The following EPS15 variants were observed in gnomAD, a reference collection of about 807,000 sequenced individuals.
The protein encoded by EPS15 is epidermal growth factor receptor substrate 15.
EPS15 carries 72 observed loss-of-function variants against 113.8 expected under a neutral mutation model. The observed-to-expected ratio is 0.63, with a 90% CI of 0.52 to 0.77. The LOEUF is 0.77. Ranked by LOEUF, EPS15 falls within the 30% of genes least tolerant of loss-of-function variation. The pLI is 0.00. For missense variants in EPS15, 1,048 were observed against 1,045.8 expected (o/e 1.00, Z -0.03); for synonymous variants, 344 against 363.4 (o/e 0.95, Z 0.61).
intron 24 of EPS15, 23 bp downstream of exon 24, chr1:51,361,148 A>C: frequency 6.4e-7 from 1 of 1,571,708 alleles, no homozygotes; most frequent in Non-Finnish European, 8.7e-7. Context: ...TTCTCCCCCA[A>C]ACAGCTCATT....
rs1646227193 is a variant in EPS15, at chr1:51,356,804, T to C, written c.2587A>G (p.Ser863Gly). 9 of 1,613,886 alleles carry C rather than the reference T, an allele frequency of 5.6e-6. No individual in the cohort carries two copies. The highest frequency in any genetic ancestry group is 7.6e-6 in the Non-Finnish European group (9 of 1,179,830). Residue 863 changes from serine (S) to glycine (G), a missense_variant, in exon 25 of 25, where the codon AGT becomes GGT. Coordinates refer to ENST00000371733, the MANE Select transcript of EPS15 (RefSeq NM_001981.3). ...AGCCTCTGCTCTTCCTCTCTCTCAC[T>C]TTCCCTCTTGGCCCATTCGATCATA... ...EDMIEWAKRESEREEEQRLAR... is the reference protein window; with the variant it reads ...EDMIEWAKREGEREEEQRLAR...
chr1:51,437,926 T>C (rs1652288889), intron 12 of EPS15, among the ~76,000 whole-genome samples: 2 of 152,114 alleles, frequency 1.3e-5, no homozygotes, highest in Admixed American at 1.3e-4. Flanking sequence ...CATCCTTATA[T>C]ATTAATAAAA....
At chr1:51,471,886 T>C in intron 3 of EPS15, 149 bp from the exon 4 acceptor site, 1 of 679,078 alleles carries the variant, frequency 1.5e-6, no homozygotes, top group Non-Finnish European at 2.6e-6. Context: ...CCCTTAAAGA[T>C]CATTTAGTGC....
At chr1:51,442,768 G>C (rs1396751471) in intron 11 of EPS15, among the ~76,000 whole-genome samples, 3 of 151,916 alleles carry the variant, frequency 2.0e-5, no homozygotes, top group East Asian at 3.9e-4. Context: ...AATGTATCTT[G>C]TAAACCAAAA....
intron 1 of EPS15, among the ~76,000 whole-genome samples, chr1:51,504,634 A>G (rs930363065): frequency 1.3e-5 from 2 of 152,220 alleles, no homozygotes; most frequent in Non-Finnish European, 2.9e-5. Flanking sequence ...AAGACATACA[A>G]ATGGCTAATA....
intron 21 of EPS15, among the ~76,000 whole-genome samples, chr1:51,389,696 G>T (rs1647204001): frequency 6.6e-6 from 1 of 152,342 alleles, no homozygotes; most frequent in South Asian, 2.1e-4. Context: ...GCCAAATCAT[G>T]AGTGAACTCT....
intron 11 of EPS15, 143 bp downstream of exon 11, chr1:51,444,746 C>G (rs1464259676): frequency 3.5e-5 from 25 of 723,654 alleles, no homozygotes; most frequent in Non-Finnish European, 4.0e-5. Context: ...TTTATAGGCA[C>G]AAACTAAACC....
At chr1:51,401,100 A>G (rs774773457) in intron 18 of EPS15, 147 bp from the exon 19 acceptor site, 2 of 534,968 alleles carry the variant, frequency 3.7e-6, no homozygotes, top group Non-Finnish European at 6.7e-6. Flanking sequence ...AATGTCATTG[A>G]CCTTATGAAA....
chr1:51,485,149 A>G (rs1044008727), intron 1 of EPS15, among the ~76,000 whole-genome samples: 11 of 152,196 alleles, frequency 7.2e-5, no homozygotes, highest in Non-Finnish European at 1.2e-4. Context: ...CTCTAGTGAC[A>G]TCACTATTAA....
intron 9 of EPS15, 42 bp from the exon 10 acceptor site, chr1:51,447,147 C>A (rs761946233): frequency 6.4e-7 from 1 of 1,555,530 alleles, no homozygotes; most frequent in Non-Finnish European, 8.7e-7. Context: ...CAAAATGAAA[C>A]AAACTTTGAA....
intron 1 of EPS15, among the ~76,000 whole-genome samples, chr1:51,504,394 A>G (rs186853822): frequency 6.6e-6 from 1 of 152,342 alleles, no homozygotes; most frequent in African/African-American, 2.4e-5. Context: ...TGGGCAACAG[A>G]GCAAGACCCT....
chr1:51,492,966 G>C (rs555658841), intron 1 of EPS15, among the ~76,000 whole-genome samples: 1 of 152,156 alleles, frequency 6.6e-6, no homozygotes, highest in Non-Finnish European at 1.5e-5. Flanking sequence ...GGTGGCTCAC[G>C]CCTGTAATCC....
At chr1:51,498,026 T>C (rs1040215290) in intron 1 of EPS15, among the ~76,000 whole-genome samples, 1 of 151,854 alleles carries the variant, frequency 6.6e-6, no homozygotes, top group African/African-American at 2.4e-5. Flanking sequence ...GGTGATAGAT[T>C]CAAATAATGA....
chr1:51,431,470 G>GAGTCTC, intron 12 of EPS15, among the ~76,000 whole-genome samples: 1 of 151,228 alleles, frequency 6.6e-6, no homozygotes. Flanking sequence ...TTTGGAGACA[G>GAGTCTC]AGTCTCACTC....
chr1:51,369,634 G>A (rs1646598896), intron 21 of EPS15, among the ~76,000 whole-genome samples: 1 of 152,064 alleles, frequency 6.6e-6, no homozygotes, highest in Admixed American at 6.6e-5. Flanking sequence ...CTTTATTCCT[G>A]GTATTTTTTT....
intron 21 of EPS15, among the ~76,000 whole-genome samples, chr1:51,381,990 G>C (rs1412213017): frequency 6.6e-6 from 1 of 152,012 alleles, no homozygotes; most frequent in Non-Finnish European, 1.5e-5. Flanking sequence ...TAGAAAAATA[G>C]AGAAAATCAA....
chr1:51,394,884 G>T (rs1251194294), intron 20 of EPS15, among the ~76,000 whole-genome samples: 2 of 152,022 alleles, frequency 1.3e-5, no homozygotes, highest in African/African-American at 2.4e-5. Context: ...TAGAGACAGG[G>T]TCTTGCTCTG....
At chr1:51,445,588 C>T (rs982827303) in intron 10 of EPS15, among the ~76,000 whole-genome samples, 4 of 151,626 alleles carry the variant, frequency 2.6e-5, no homozygotes, top group Admixed American at 2.0e-4. Context: ...AAGCTTTACA[C>T]AATCACTTGA....
rs558733170 is a variant in EPS15, at chr1:51,471,656, C to CA, written c.213+33dup. 12,479 of 1,386,284 alleles carry CA rather than the reference C, an allele frequency of 9.0e-3. 9 individuals carry two copies. Among genetic ancestry groups the CA allele is most frequent in the Non-Finnish European group, 0.011 (10,949 of 1,006,420 alleles). The allele number at this position is 1,386,284 out of a possible 1,614,324, so 85.9% of individuals were successfully genotyped here. ...TGGCTATTTTTTATTTTGAATCACT[C>CA]AAAAAAAAAATCATATGAATATCTG... On this transcript the variant is annotated intron_variant, in intron 4 of 24. Coordinates refer to ENST00000371733, the MANE Select transcript of EPS15 (RefSeq NM_001981.3).
Sources: allele counts gnomAD v4.1 joint callset (sites outside exome capture counted in the v4.1 genomes callset), GRCh38; gene constraint gnomAD v4.1.1; transcripts MANE v1.5; gene names NCBI Gene and HGNC (gene_info 2026-07-23, HGNC 2026-07-21).